DPH3: variants seen among roughly 807,000 people sequenced by gnomAD.
DPH3 encodes the protein diphthamide biosynthesis protein 3.
DPH3 carries 8 observed loss-of-function variants against 10.2 expected under a neutral mutation model. The ratio of observed to expected loss-of-function variants is 0.79; its 90% CI spans 0.46 to 1.42. The LOEUF is 1.42. DPH3 is among the 40% of genes most tolerant of loss of function. The pLI is 0.00. For missense variants in DPH3, 96 were observed against 98.9 expected (o/e 0.97, Z 0.12); for synonymous variants, 35 against 35.6 (o/e 0.98, Z 0.06).
intron 2 of DPH3, 28 bp from the exon 3 acceptor site, chr3:16,260,857 C>G: frequency 6.2e-7 from 1 of 1,600,142 alleles, no homozygotes; most frequent in South Asian, 1.1e-5. Context: ...ATGACATTAA[C>G]CAATGAATTT....
Position 16,261,497 on chromosome 3 carries a change from T to C in DPH3, c.184-668A>G, listed in dbSNP as rs1340819627. ...CCATTGTTAGCACAATGCTTCATATTCTCAACCTCTTTCTCAAAATGTCCT... is the reference window on the plus strand; with the variant it reads ...CCATTGTTAGCACAATGCTTCATATCCTCAACCTCTTTCTCAAAATGTCCT... On this transcript the variant is annotated intron_variant, in intron 2 of 2. Coordinates refer to ENST00000488423, the MANE Select transcript of DPH3 (RefSeq NM_206831.3). This position sits in a 1 kb window ranked among gnomAD's most constrained non-coding sequence, Gnocchi z 7.1. Among the ~76,000 whole-genome samples the C allele has an allele frequency of 6.6e-6, 1 of 152,230 alleles. No homozygotes were observed. Among genetic ancestry groups the C allele is most frequent in the Non-Finnish European group, 1.5e-5 (1 of 68,040 alleles).
intron 1 of DPH3, 53 bp from the exon 2 acceptor site, chr3:16,264,282 C>G: frequency 6.9e-7 from 1 of 1,453,888 alleles, no homozygotes; most frequent in South Asian, 1.3e-5. Flanking sequence ...TCGCCATCTC[C>G]TCCCCCAAAC....
chr3:16,264,746 G>A (rs1024071702), intron 1 of DPH3, 23 bp downstream of exon 1: 2 of 1,611,692 alleles, frequency 1.2e-6, no homozygotes, highest in African/African-American at 2.7e-5. Context: ...TGGGTGAACC[G>A]CCGGGCGGGA....
Position 16,260,684 on chromosome 3 carries a change from G to A in DPH3, c.*80C>T. 3 of 1,275,762 alleles carry A rather than the reference G, an allele frequency of 2.4e-6. No homozygotes were observed. Among genetic ancestry groups the A allele is most frequent in the Non-Finnish European group, 1.1e-6 (1 of 892,356 alleles). The allele number at this position is 1,275,762 out of a possible 1,614,324, so 79.0% of individuals were successfully genotyped here. A position where few individuals can be genotyped will look rare whatever the true frequency, so the allele number is the denominator to read the frequency against. On this transcript the variant is annotated 3_prime_UTR_variant, in exon 3 of 3. Coordinates refer to ENST00000488423, the MANE Select transcript of DPH3 (RefSeq NM_206831.3). The stretch of plus-strand genomic sequence containing the variant: ...CAGCAAATCATAAATGGTTGTCTCT[G>A]TGAAGCCAGTAGCTTTGCATTCGAT...
chr3:16,264,620 G>T, intron 1 of DPH3, 149 bp downstream of exon 1: 1 of 759,206 alleles, frequency 1.3e-6, no homozygotes, highest in South Asian at 1.7e-5. Context: ...CATTAGTTGG[G>T]GTGGGGGGAC....
rs886713524 is a variant in DPH3, at chr3:16,261,388, C to T, written c.184-559G>A. Among the ~76,000 whole-genome samples the T allele has an allele frequency of 1.6e-4, 24 of 152,194 alleles. 1 individual carries two copies. The highest frequency in any genetic ancestry group is 1.2e-3 in the Admixed American group (19 of 15,282). On this transcript the variant is annotated intron_variant, in intron 2 of 2. Transcript: ENST00000488423. This position sits in a 1 kb window ranked among gnomAD's most constrained non-coding sequence, Gnocchi z 7.1. ...CCCTCACCTCCAGCAATCTGATTCC[C>T]GAAGGATCAGCCCCTACTCTGTCCC...
Position 16,259,445 on chromosome 3 carries a change from A to C in DPH3, c.*1319T>G, listed in dbSNP as rs1257242043. 6 of 152,236 alleles carry C rather than the reference A, an allele frequency of 3.9e-5. No homozygotes were observed. The highest frequency in any genetic ancestry group is 1.2e-4 in the African/African-American group (5 of 41,452). The allele number at this position is 152,236 out of a possible 1,614,324, so 9.4% of individuals were successfully genotyped here. A position where few individuals can be genotyped will look rare whatever the true frequency, so the allele number is the denominator to read the frequency against. On this transcript the variant is annotated 3_prime_UTR_variant, in exon 3 of 3. Transcript: ENST00000488423. ...AGTAACAGAACATTTACATTCTAGC[A>C]AGCTATTTTTCTAATTGCAGAAGCC...
rs755111697 is a variant in DPH3, at chr3:16,264,917, C to G, written c.-41G>C. 6 of 1,607,716 alleles carry G rather than the reference C, an allele frequency of 3.7e-6. No homozygotes were observed. The highest frequency in any genetic ancestry group is 5.1e-6 in the Non-Finnish European group (6 of 1,175,046). ...CCGAAGGGGTAACGCCCCAGCAGTC[C>G]GAGGCCAGCTCCGAGGGTTTAACTT... is the stretch of plus-strand genomic sequence containing the variant. On this transcript the variant is annotated 5_prime_UTR_variant, in exon 1 of 3. Coordinates refer to ENST00000488423, the MANE Select transcript of DPH3 (RefSeq NM_206831.3).
At chr3:16,264,287 C>A in intron 1 of DPH3, 58 bp from the exon 2 acceptor site, 2 of 1,388,458 alleles carry the variant, frequency 1.4e-6, no homozygotes, top group African/African-American at 2.9e-5. Context: ...ATCTCCTCCC[C>A]CAAACCTATC....
At position 16,260,519 on chromosome 3, in the gene DPH3, C is replaced by A; in HGVS notation, c.*245G>T. 7.0e-6 allele frequency: 3 copies of A among 430,202 alleles called. No individual in the cohort carries two copies. The highest frequency in any genetic ancestry group is 2.0e-5 in the African/African-American group (1 of 50,450). The allele number at this position is 430,202 out of a possible 1,614,324, so 26.6% of individuals were successfully genotyped here. A position where few individuals can be genotyped will look rare whatever the true frequency, so the allele number is the denominator to read the frequency against. On this transcript the variant is annotated 3_prime_UTR_variant, in exon 3 of 3. Transcript: ENST00000488423. ...AAAGAAAGCACTGTTTTGAAATTATCTTCTTTTAAATTTAGATGCATAATT... is the reference window on the plus strand; with the variant it reads ...AAAGAAAGCACTGTTTTGAAATTATATTCTTTTAAATTTAGATGCATAATT...
intron 2 of DPH3, 68 bp downstream of exon 2, chr3:16,264,087 C>G (rs1408114397): frequency 6.0e-6 from 7 of 1,157,280 alleles, no homozygotes; most frequent in African/African-American, 1.5e-5. Flanking sequence ...TCATCACTGA[C>G]AAGCTGATCT....
At chr3:16,264,015 G>GGTT (rs1427720170) in intron 2 of DPH3, 140 bp downstream of exon 2, 1 of 447,036 alleles carries the variant, frequency 2.2e-6, no homozygotes, top group African/African-American at 2.0e-5. Context: ...TATCAATGGT[G>GGTT]TTTAAAACCT....
In DPH3 at chr3:16,264,122, AC is replaced by A. The variant is rs780218048; in HGVS notation, c.183+32del. The A allele has an allele frequency of 3.3e-6, 5 of 1,514,800 alleles. No homozygotes were observed. The African/African-American group carries it at 6.8e-5, about 21-fold the overall frequency. 93.8% of individuals were successfully genotyped at this position (1,514,800 alleles called of 1,614,324 possible). On this transcript the variant is annotated intron_variant, in intron 2 of 2. Transcript: ENST00000488423. ...TAAGTCCTTGCCACTGACTTACAAT[AC>A]CCTTCCCCCGTTTTAAAATTATATC...
At position 16,264,178 on chromosome 3, in the gene DPH3, TGA is replaced by T. The variant is rs2064345978; in HGVS notation, c.158_159del (p.Leu53HisfsTer7). 15 of 1,611,320 alleles carry T rather than the reference TGA, an allele frequency of 9.3e-6. No individual in the cohort carries two copies. Among genetic ancestry groups the T allele is most frequent in the Non-Finnish European group, 1.1e-5 (13 of 1,178,196 alleles). On this transcript the variant is annotated frameshift_variant, in exon 2 of 3. Transcript: ENST00000488423. LOFTEE classifies it high-confidence loss of function. ...EDVATCPSCS[L>X]IIKVIYDKDQ... ...ACTTTGTCATAAATCACTTTTATAA[TGA>T]GAGAGCAGCTAGGACACGTTGCCAC...
rs1352336274 is a variant in DPH3, at chr3:16,264,526, G to C, written c.108+243C>G. 4 of 575,798 alleles carry C rather than the reference G, an allele frequency of 6.9e-6. No individual in the cohort carries two copies. In the East Asian group the frequency reaches 1.2e-4, roughly 17 times the overall value. 35.7% of individuals were successfully genotyped at this position (575,798 alleles called of 1,614,324 possible). Reference sequence around the variant, plus strand: ...AGGTTGGGACCCTAAGGCAGGGATCGGGCAGAGAGACAGAGGCTCTCCGCC... The same window carrying C: ...AGGTTGGGACCCTAAGGCAGGGATCCGGCAGAGAGACAGAGGCTCTCCGCC... On this transcript the variant is annotated intron_variant, in intron 1 of 2. Transcript: ENST00000488423.
chr3:16,259,948 G>C lies in DPH3; in HGVS notation c.*816C>G, dbSNP rs1179725888. The C allele has an allele frequency of 6.6e-6, 1 of 152,194 alleles. No individual in the cohort carries two copies. Among genetic ancestry groups the C allele is most frequent in the Non-Finnish European group, 1.5e-5 (1 of 68,032 alleles). 9.4% of individuals were successfully genotyped at this position (152,194 alleles called of 1,614,324 possible). On this transcript the variant is annotated 3_prime_UTR_variant, in exon 3 of 3. Coordinates refer to ENST00000488423, the MANE Select transcript of DPH3 (RefSeq NM_206831.3). ...ATATTACTTGCTCTGACCTGGCAAA[G>C]TCATTCAAACATTCCACTTACTACA...
In DPH3 at chr3:16,264,762, A is replaced by C. The variant is rs778269519; in HGVS notation, c.108+7T>G. On this transcript the variant is annotated splice_region_variant and intron_variant, in intron 1 of 2. Coordinates refer to ENST00000488423, the MANE Select transcript of DPH3 (RefSeq NM_206831.3). ...GGGTGAACCGCCGGGCGGGACCCTG[A>C]AGTTACCTTGGTGATGGAGAAGTTA... 1.2e-6 allele frequency: 2 copies of C among 1,613,922 alleles called. No individual in the cohort carries two copies. The highest frequency in any genetic ancestry group is 4.5e-5 in the East Asian group (2 of 44,864).
rs2064336776 is a variant in DPH3, at chr3:16,263,902, T to C, written c.183+253A>G. Reference sequence around the variant, plus strand: ...CCACTAAAATAATCTATATACTTTCTATTTAATAAATAATAATTTTCACTA... The same window carrying C: ...CCACTAAAATAATCTATATACTTTCCATTTAATAAATAATAATTTTCACTA... On this transcript the variant is annotated intron_variant, in intron 2 of 2. Transcript: ENST00000488423. This position sits in a 1 kb window ranked among gnomAD's most constrained non-coding sequence, Gnocchi z 4.0. 6.6e-6 allele frequency among the ~76,000 whole-genome samples: 1 copy of C among 152,260 alleles called. No homozygotes were observed. Among genetic ancestry groups the C allele is most frequent in the Non-Finnish European group, 1.5e-5 (1 of 68,038 alleles).
At chr3:16,260,925 T>A in intron 2 of DPH3, 96 bp from the exon 3 acceptor site, 1 of 1,077,460 alleles carries the variant, frequency 9.3e-7, no homozygotes, top group Non-Finnish European at 1.4e-6. Flanking sequence ...AATCCAGCGC[T>A]GTTAATTGTT....
Sources: gnomAD v4.1 joint callset for allele counts (sites outside exome capture counted in the v4.1 genomes callset) on GRCh38, gnomAD v4.1.1 for gene constraint, Gnocchi (gnomAD v3.1) non-coding constraint, MANE v1.5 for transcripts, NCBI Gene and HGNC (gene_info 2026-07-23, HGNC 2026-07-21) for gene names.